DLGAP2: variants seen among roughly 807,000 people sequenced by gnomAD.
The protein encoded by DLGAP2 is disks large-associated protein 2.
DLGAP2 carries 26 observed loss-of-function variants against 100.3 expected under a neutral mutation model. The observed-to-expected ratio is 0.26, with a 90% confidence interval of 0.19 to 0.36. DLGAP2 has a LOEUF of 0.36. Ranked by LOEUF, DLGAP2 falls within the 10% of genes least tolerant of loss-of-function variation. DLGAP2 has a pLI of 1.00. For missense variants in DLGAP2, 1,858 were observed against 1,453.2 expected, an observed-to-expected ratio of 1.28 and a Z score of -4.53; for synonymous variants, 886 against 630.1, an observed-to-expected ratio of 1.41 and a Z score of -6.08.
intron 1 of DLGAP2, among the ~76,000 whole-genome samples, chr8:844,584 C>A (rs183066947): frequency 6.6e-6 from 1 of 152,188 alleles, no homozygotes; most frequent in Non-Finnish European, 1.5e-5. Context: ...CTCTTGACCC[C>A]CTTCCCAGCC....
intron 1 of DLGAP2, among the ~76,000 whole-genome samples, chr8:861,799 C>T (rs1344739621): frequency 6.6e-6 from 1 of 152,192 alleles, no homozygotes; most frequent in Non-Finnish European, 1.5e-5. Context: ...ACCTAACCTC[C>T]CGGTGGAAAT....
At chr8:1,419,113 G>A (rs1797019910) in intron 3 of DLGAP2, among the ~76,000 whole-genome samples, 1 of 152,174 alleles carries the variant, frequency 6.6e-6, no homozygotes, top group Admixed American at 6.5e-5. Context: ...ACCCTTGGTA[G>A]GTTTTGTTTT....
chr8:1,233,142 C>A (rs1240496480), intron 2 of DLGAP2, among the ~76,000 whole-genome samples: 1 of 152,200 alleles, frequency 6.6e-6, no homozygotes, highest in African/African-American at 2.4e-5. Context: ...TTTTAATGAG[C>A]AAATGACATT....
intron 3 of DLGAP2, among the ~76,000 whole-genome samples, chr8:1,363,331 T>C (rs1203986541): frequency 1.3e-5 from 2 of 151,856 alleles, no homozygotes; most frequent in East Asian, 3.9e-4. Context: ...CGTGGCATGC[T>C]TGCGGCTGTC....
chr8:980,634 TG>T (rs1800304579), intron 2 of DLGAP2, among the ~76,000 whole-genome samples: 1 of 152,044 alleles, frequency 6.6e-6, no homozygotes, highest in Admixed American at 6.6e-5. Flanking sequence ...TGAATCCAGG[TG>T]GGCAGGTAAG....
intron 1 of DLGAP2, among the ~76,000 whole-genome samples, chr8:839,653 G>T (rs1289339304): frequency 6.6e-6 from 1 of 152,104 alleles, no homozygotes; most frequent in Non-Finnish European, 1.5e-5. Flanking sequence ...AAACAGGATG[G>T]TGCCACCTGT....
chr8:1,214,710 T>G (rs1798177354), intron 2 of DLGAP2, among the ~76,000 whole-genome samples: 1 of 152,250 alleles, frequency 6.6e-6, no homozygotes, highest in South Asian at 2.1e-4. Context: ...TGCACCTAGT[T>G]CTTCGCACAG....
In DLGAP2 at chr8:1,697,314, G is replaced by A. The variant is rs778226518; in HGVS notation, c.2949+15G>A. The A allele has an allele frequency of 1.3e-6, 2 of 1,581,964 alleles. No homozygotes were observed. The highest frequency in any genetic ancestry group is 1.7e-5 in the Admixed American group (1 of 57,210). ...CGGAAAGAAAGGTAAGGGCATCCATGCAGGGCCGGCTCCCAGCAAACCCCC... is the reference window on the plus strand; with the variant it reads ...CGGAAAGAAAGGTAAGGGCATCCATACAGGGCCGGCTCCCAGCAAACCCCC... On this transcript the variant is annotated intron_variant, in intron 14 of 14. Transcript: ENST00000637795.
At chr8:1,056,891 C>G (rs905449558) in intron 2 of DLGAP2, among the ~76,000 whole-genome samples, 1 of 152,226 alleles carries the variant, frequency 6.6e-6, no homozygotes, top group Non-Finnish European at 1.5e-5. Context: ...GCATTTCCCC[C>G]TTAATCCTCT....
intron 1 of DLGAP2, among the ~76,000 whole-genome samples, chr8:826,226 T>G (rs969373339): frequency 6.6e-6 from 1 of 152,256 alleles, no homozygotes; most frequent in Non-Finnish European, 1.5e-5. Context: ...CATTTGTCTG[T>G]GGACGGACAC....
At chr8:948,003 C>T (rs1799374078) in intron 2 of DLGAP2, among the ~76,000 whole-genome samples, 1 of 142,986 alleles carries the variant, frequency 7.0e-6, no homozygotes, top group South Asian at 2.3e-4. Context: ...CCCGCGTGTG[C>T]GCCATGGCTC....
At chr8:867,755 A>G (rs571047191) in intron 1 of DLGAP2, among the ~76,000 whole-genome samples, 1 of 152,310 alleles carries the variant, frequency 6.6e-6, no homozygotes, top group Non-Finnish European at 1.5e-5. Context: ...ATTCCTGTTC[A>G]TATTGGTTTC....
At chr8:1,266,125 G>C (rs1799445616) in intron 3 of DLGAP2, among the ~76,000 whole-genome samples, 1 of 152,246 alleles carries the variant, frequency 6.6e-6, no homozygotes, top group Admixed American at 6.5e-5. Context: ...AGGAAAAGCA[G>C]AGACGCTCTG....
chr8:755,568 C>T (rs1585828274), intron 1 of DLGAP2, among the ~76,000 whole-genome samples: 1 of 152,126 alleles, frequency 6.6e-6, no homozygotes, highest in South Asian at 2.1e-4. Flanking sequence ...AGCGGAGAAG[C>T]GGCATTTGAG....
At position 1,511,417 on chromosome 8, in the gene DLGAP2, G is replaced by C. The variant is rs180902021; in HGVS notation, c.172+9986G>C. On this transcript the variant is annotated intron_variant, in intron 4 of 14. Coordinates refer to ENST00000637795, the MANE Select transcript of DLGAP2 (RefSeq NM_001346810.2). ...CTTCCATGGTCGTAAGGGCTGTCTAGTGTAGGACAATCAGTAGATGACCAT... is the reference window on the plus strand; with the variant it reads ...CTTCCATGGTCGTAAGGGCTGTCTACTGTAGGACAATCAGTAGATGACCAT... Among the ~76,000 whole-genome samples, 349 of 141,692 alleles carry C rather than the reference G, an allele frequency of 2.5e-3. 17 individuals carry two copies. Among genetic ancestry groups the C allele is most frequent in the African/African-American group, 9.2e-3 (335 of 36,564 alleles). 93.0% of individuals were successfully genotyped at this position (141,692 alleles called of 152,430 possible).
At chr8:1,340,334 G>T (rs992664850) in intron 3 of DLGAP2, among the ~76,000 whole-genome samples, 7 of 152,160 alleles carry the variant, frequency 4.6e-5, no homozygotes, top group African/African-American at 1.7e-4. Context: ...TGCAAATTAT[G>T]CATCCCACAA....
At chr8:1,255,533 A>T (rs1456214685) in intron 2 of DLGAP2, among the ~76,000 whole-genome samples, 126 of 59,890 alleles carry the variant, frequency 2.1e-3, no homozygotes, top group South Asian at 4.1e-3. Flanking sequence ...CCTGCCTGGG[A>T]GCTGTGTGTC....
chr8:927,538 A>G (rs1478032959), intron 2 of DLGAP2, among the ~76,000 whole-genome samples: 1 of 152,162 alleles, frequency 6.6e-6, no homozygotes, highest in East Asian at 1.9e-4. Context: ...TCACCCAGAG[A>G]GGGCACTTAA....
chr8:1,689,590 G>T (rs1799204146), intron 12 of DLGAP2, among the ~76,000 whole-genome samples: 1 of 152,136 alleles, frequency 6.6e-6, no homozygotes, highest in African/African-American at 2.4e-5. Flanking sequence ...CAGTTTTAGG[G>T]TGTGTCGTGT....
Sources: gnomAD v4.1 joint callset for allele counts (sites outside exome capture counted in the v4.1 genomes callset) on GRCh38, gnomAD v4.1.1 for gene constraint, MANE v1.5 for transcripts, NCBI Gene and HGNC (gene_info 2026-07-23, HGNC 2026-07-21) for gene names.